Variants in TOM1L1 observed in about 807,000 individuals in gnomAD.
The protein encoded by TOM1L1 is TOM1-like protein 1.
In TOM1L1, 64 loss-of-function variants were observed where a neutral mutation model predicts 63.4. The ratio of observed to expected loss-of-function variants is 1.01; its 90% CI spans 0.83 to 1.24. The LOEUF (loss-of-function observed/expected upper bound fraction) is 1.24, where lower values mean the gene tolerates loss of function less well. TOM1L1 is among the 50% of genes most tolerant of loss of function. The pLI, the probability that TOM1L1 is intolerant of heterozygous loss-of-function variation, is 0.00. For missense variants in TOM1L1, 536 were observed against 567.0 expected, an observed-to-expected ratio of 0.95 and a Z score of 0.55; for synonymous variants, 166 against 194.4, an observed-to-expected ratio of 0.85 and a Z score of 1.22.
chr17:54,947,157 A>AAGGTACCTTTT, intron 11 of TOM1L1, 104 bp from the exon 12 acceptor site: 2 of 1,058,196 alleles, frequency 1.9e-6, no homozygotes, highest in Non-Finnish European at 2.9e-6. Flanking sequence ...ATGCAGTCTG[A>AAGGTACCTTTT]AGGTACCTTT....
chr17:54,920,193 G>C (rs1214816435), intron 7 of TOM1L1, among the ~76,000 whole-genome samples: 1 of 152,094 alleles, frequency 6.6e-6, no homozygotes, highest in Non-Finnish European at 1.5e-5. Flanking sequence ...GGAGGCTTCA[G>C]CATAAGCCTA....
chr17:54,959,972 A>G (rs2077072744), intron 14 of TOM1L1, among the ~76,000 whole-genome samples: 1 of 152,106 alleles, frequency 6.6e-6, no homozygotes, highest in African/African-American at 2.4e-5. Context: ...TTTTAAGCAA[A>G]ACATAAACTG....
intron 12 of TOM1L1, 77 bp from the exon 13 acceptor site, chr17:54,949,441 C>T: frequency 9.6e-7 from 1 of 1,037,796 alleles, no homozygotes. Context: ...AATGTACTTG[C>T]AAGTGTAGGA....
chr17:54,932,368 T>C (rs891326154), intron 8 of TOM1L1, among the ~76,000 whole-genome samples: 5 of 152,168 alleles, frequency 3.3e-5, no homozygotes, highest in African/African-American at 4.8e-5. Context: ...CTGTAATCTA[T>C]AGATAACATA....
rs1754499434 is a variant in TOM1L1, at chr17:54,913,805, C to T, written c.430C>T (p.Leu144Phe). 5.0e-6 allele frequency: 8 copies of T among 1,612,034 alleles called. No individual in the cohort carries two copies. Among genetic ancestry groups the T allele is most frequent in the Non-Finnish European group, 6.8e-6 (8 of 1,178,830 alleles). Reference sequence around the variant, plus strand: ...TGTAAGCGAAGTCAAAGAAGTATACCTCGACCTGGTTAAGAAAGGCGTTCA... The same window carrying T: ...TGTAAGCGAAGTCAAAGAAGTATACTTCGACCTGGTTAAGAAAGGCGTTCA... ...VDVSEVKEVYLDLVKKGVQFP... is the reference protein window; with the variant it reads ...VDVSEVKEVYFDLVKKGVQFP... Residue 144 changes from leucine (L) to phenylalanine (F), a missense_variant, in exon 5 of 16, where the codon CTC becomes TTC. By Grantham distance (22) the Leu-to-Phe change is conservative. Transcript: ENST00000575882.
chr17:54,951,657 A>C (rs2049242918), intron 14 of TOM1L1, among the ~76,000 whole-genome samples: 1 of 152,226 alleles, frequency 6.6e-6, no homozygotes, highest in Non-Finnish European at 1.5e-5. Context: ...TCATAAGACC[A>C]CAGTTGCCAA....
chr17:54,929,969 A>G, intron 7 of TOM1L1, 104 bp from the exon 8 acceptor site: 1 of 1,428,154 alleles, frequency 7.0e-7, no homozygotes, highest in Non-Finnish European at 9.7e-7. Flanking sequence ...CCCACAGGCT[A>G]CTTAACGTGG....
chr17:54,939,599 T>C (rs2049004466), intron 11 of TOM1L1, among the ~76,000 whole-genome samples: 1 of 152,104 alleles, frequency 6.6e-6, no homozygotes, highest in African/African-American at 2.4e-5. Flanking sequence ...GCTCTGTCAC[T>C]CAGGCTGGAG....
chr17:54,960,608 T>C lies in TOM1L1; in HGVS notation c.1413T>C (p.Ala471=), dbSNP rs755194434. The C allele has an allele frequency of 6.2e-7, 1 of 1,612,460 alleles. No homozygotes were observed. The highest frequency in any genetic ancestry group is 8.5e-7 in the Non-Finnish European group (1 of 1,178,976). ...TTGATGCTCACCAGCACAAAGGAGC[T>C]CAAAATGATGGTGACTGAGGTAAAG... ...EEIDAHQHKG[A]QNDGD The change falls in exon 15 of 16, where the codon GCT becomes GCC. Residue 471 remains alanine, a synonymous_variant. Coordinates refer to ENST00000575882, the MANE Select transcript of TOM1L1 (RefSeq NM_005486.3).
chr17:54,903,978 G>A (rs1418696637), intron 2 of TOM1L1, among the ~76,000 whole-genome samples, 186 bp downstream of exon 2: 1 of 152,160 alleles, frequency 6.6e-6, no homozygotes, highest in East Asian at 1.9e-4. Context: ...TCAACATGTG[G>A]AGTATCCATA....
chr17:54,941,931 T>C (rs531740849), intron 11 of TOM1L1, among the ~76,000 whole-genome samples: 2 of 152,210 alleles, frequency 1.3e-5, no homozygotes, highest in Non-Finnish European at 2.9e-5. Flanking sequence ...CTAAGATCAC[T>C]TGTGAGAGGC....
chr17:54,931,919 G>GCTTT (rs766097373), intron 8 of TOM1L1, among the ~76,000 whole-genome samples: 1 of 150,730 alleles, frequency 6.6e-6, no homozygotes, highest in Non-Finnish European at 1.5e-5. Context: ...AACCATGCTT[G>GCTTT]CTTTCTTTCT....
intron 11 of TOM1L1, among the ~76,000 whole-genome samples, chr17:54,943,627 A>T (rs2049068354): frequency 6.6e-6 from 1 of 152,092 alleles, no homozygotes; most frequent in Admixed American, 6.6e-5. Context: ...AGTTTGCTTT[A>T]GTGATTGCAG....
chr17:54,922,526 C>A (rs1040412110), intron 7 of TOM1L1, among the ~76,000 whole-genome samples: 7 of 152,034 alleles, frequency 4.6e-5, no homozygotes, highest in African/African-American at 1.7e-4. Context: ...TCGCTTGAAC[C>A]TGGGAGGTCG....
intron 3 of TOM1L1, among the ~76,000 whole-genome samples, chr17:54,911,956 T>C (rs1000932595): frequency 3.3e-5 from 5 of 152,178 alleles, no homozygotes; most frequent in African/African-American, 1.2e-4. Flanking sequence ...GGACGGACTT[T>C]ATCCACCCTA....
At chr17:54,944,200 C>T (rs1190885816) in intron 11 of TOM1L1, among the ~76,000 whole-genome samples, 1 of 152,120 alleles carries the variant, frequency 6.6e-6, no homozygotes, top group Non-Finnish European at 1.5e-5. Context: ...GTAATCCCAA[C>T]ACTTTGGGAG....
intron 11 of TOM1L1, 138 bp downstream of exon 11, chr17:54,939,158 G>A: frequency 2.0e-6 from 1 of 503,826 alleles, no homozygotes; most frequent in South Asian, 4.2e-5. Context: ...TGGATCACTT[G>A]AGCCCAGGAG....
Position 54,937,117 on chromosome 17 carries a change from T to G in TOM1L1, c.924T>G (p.Ser308Arg), listed in dbSNP as rs757570993. ...KNQKEATNTT[S>R]EPSAPSQDLL... ...TTTTGCTTTGTTTTCAGACTACCAG[T>G]GAGCCTTCTGCCCCATCTCAAGATC... Residue 308 changes from serine (S) to arginine (R), a missense_variant, in exon 10 of 16, where the codon AGT (serine) becomes AGG (arginine). Physicochemically the swap from Ser to Arg is moderately radical, Grantham distance 110. Transcript: ENST00000575882. The G allele has an allele frequency of 1.2e-6, 2 of 1,610,580 alleles. No individual in the cohort carries two copies. The highest frequency in any genetic ancestry group is 1.7e-6 in the Non-Finnish European group (2 of 1,178,088).
chr17:54,955,491 T>C (rs1287676054), intron 14 of TOM1L1, among the ~76,000 whole-genome samples: 5 of 152,176 alleles, frequency 3.3e-5, no homozygotes, highest in Non-Finnish European at 5.9e-5. Context: ...CTGTGACTGC[T>C]GCAAAACAAA....
Sources: gnomAD v4.1 joint callset for allele counts (sites outside exome capture counted in the v4.1 genomes callset) on GRCh38, gnomAD v4.1.1 for gene constraint, MANE v1.5 for transcripts, NCBI Gene and HGNC (gene_info 2026-07-23, HGNC 2026-07-21) for gene names.